Variants in PADI6 observed in about 807,000 individuals in gnomAD.
The protein encoded by PADI6 is peptidyl arginine deiminase 6.
A neutral mutation model predicts 78.2 loss-of-function variants in PADI6; 66 were observed. The ratio of observed to expected loss-of-function variants is 0.84; its 90% CI spans 0.69 to 1.04. The LOEUF is 1.04. PADI6 is among the 50% of genes least tolerant of loss of function. The probability of loss-of-function intolerance (pLI) is 0.00; values close to 1 mark genes in which losing one functional copy is unlikely to be tolerated. For missense variants in PADI6, 854 were observed against 866.1 expected (o/e 0.99, Z 0.18); for synonymous variants, 397 against 346.9 (o/e 1.14, Z -1.60).
rs1010983165 is a variant in PADI6, at chr1:17,401,507, T to C, written c.*69T>C. 5.0e-6 allele frequency: 7 copies of C among 1,390,342 alleles called. No individual in the cohort carries two copies. Among genetic ancestry groups the C allele is most frequent in the Non-Finnish European group, 6.0e-6 (6 of 1,000,154 alleles). The allele number at this position is 1,390,342 out of a possible 1,614,324, so 86.1% of individuals were successfully genotyped here. On this transcript the variant is annotated 3_prime_UTR_variant, in exon 16 of 16. Coordinates refer to ENST00000619609, the MANE Select transcript of PADI6 (RefSeq NM_207421.4). The stretch of plus-strand genomic sequence containing the variant: ...CCACTGTCACCATGCAACAGCATGA[T>C]TCTTTGCCCAGTAGAGGAGGCTGGA...
chr1:17,381,171 C>G lies in PADI6; in HGVS notation c.553+7C>G, dbSNP rs764134342. On this transcript the variant is annotated splice_region_variant and intron_variant, in intron 5 of 15. Coordinates refer to ENST00000619609, the MANE Select transcript of PADI6 (RefSeq NM_207421.4). ...AAAGTGATCTTTTCAGAGGGTAGGA[C>G]CTCAGACTGTCTCTGCCTTTCCTTC... The G allele has an allele frequency of 6.3e-7, 1 of 1,582,006 alleles. No homozygotes were observed. The highest frequency in any genetic ancestry group is 1.2e-5 in the South Asian group (1 of 86,484).
intron 8 of PADI6, among the ~76,000 whole-genome samples, chr1:17,391,181 AC>A (rs2075179386): frequency 6.6e-6 from 1 of 151,560 alleles, no homozygotes; most frequent in Non-Finnish European, 1.5e-5. Flanking sequence ...CTGACCTCCA[AC>A]TTTTGAGGAC....
In PADI6 at chr1:17,394,341, T is replaced by C. The variant is rs745997829; in HGVS notation, c.1224T>C (p.His408=). 6.2e-7 allele frequency: 1 copy of C among 1,613,838 alleles called. No individual in the cohort carries two copies. Among genetic ancestry groups the C allele is most frequent in the East Asian group, 2.2e-5 (1 of 44,886 alleles). ...ACATGATCCAGGACACTGAGGACCATAAAGTGGCCAGCATGGATTCCATTG... is the reference window on the plus strand; with the variant it reads ...ACATGATCCAGGACACTGAGGACCACAAAGTGGCCAGCATGGATTCCATTG... The part of the protein sequence containing the change: ...IGYMIQDTED[H]KVASMDSIGN... Residue 408 remains histidine, a synonymous_variant, in exon 11 of 16, where the codon CAT becomes CAC. Transcript: ENST00000619609.
At chr1:17,396,283 G>A (rs1477806868) in intron 13 of PADI6, among the ~76,000 whole-genome samples, 1 of 152,212 alleles carries the variant, frequency 6.6e-6, no homozygotes, top group Non-Finnish European at 1.5e-5. Flanking sequence ...CTACTCGGGA[G>A]GCTGAGGCAG....
At chr1:17,395,209 TTTTTTG>T in intron 12 of PADI6, 102 bp downstream of exon 12, 14 of 1,394,926 alleles carry the variant, frequency 1.0e-5, no homozygotes, top group South Asian at 2.8e-5. Flanking sequence ...GTTTTTTTTT[TTTTTTG>T]TTTGTTTTTT....
chr1:17,392,938 G>C (rs531978287), intron 9 of PADI6, among the ~76,000 whole-genome samples: 19 of 152,272 alleles, frequency 1.2e-4, no homozygotes, highest in African/African-American at 4.3e-4. Context: ...GAGGTCAGGA[G>C]TTTTAAAACA....
At chr1:17,387,703 A>C (rs190809503) in intron 6 of PADI6, among the ~76,000 whole-genome samples, 13 of 152,336 alleles carry the variant, frequency 8.5e-5, no homozygotes, top group African/African-American at 3.1e-4. Context: ...GTGAGCTGAG[A>C]TCACGCCACT....
At chr1:17,378,450 G>A (rs2075039339) in intron 3 of PADI6, among the ~76,000 whole-genome samples, 1 of 152,142 alleles carries the variant, frequency 6.6e-6, no homozygotes, top group African/African-American at 2.4e-5. Flanking sequence ...TTGGGAATCA[G>A]CATGTCAAAT....
rs1474874541 is a variant in PADI6, at chr1:17,395,526, G to A, written c.1495-14G>A. ...CTGAGAAAGCTGGCTTCTGACCCAA[G>A]TTCTGTTTCCCAGGGCTTCCTGCTG... On this transcript the variant is annotated splice_polypyrimidine_tract_variant and intron_variant, in intron 12 of 15. Coordinates refer to ENST00000619609, the MANE Select transcript of PADI6 (RefSeq NM_207421.4). 6.5e-7 allele frequency: 1 copy of A among 1,549,968 alleles called. No homozygotes were observed.
chr1:17,385,028 T>C (rs1331018694), intron 6 of PADI6, among the ~76,000 whole-genome samples: 2 of 152,078 alleles, frequency 1.3e-5, no homozygotes, highest in Non-Finnish European at 2.9e-5. Context: ...TAGAGGAAGA[T>C]CTGAGAAGTT....
intron 8 of PADI6, among the ~76,000 whole-genome samples, 195 bp from the exon 9 acceptor site, chr1:17,391,919 G>A (rs1384462335): frequency 6.6e-6 from 1 of 152,252 alleles, no homozygotes; most frequent in Admixed American, 6.5e-5. Context: ...GCAAAGCTGA[G>A]TAGTGTCAGA....
chr1:17,392,972 T>C (rs931466898), intron 9 of PADI6, among the ~76,000 whole-genome samples: 9 of 152,108 alleles, frequency 5.9e-5, no homozygotes, highest in Admixed American at 4.6e-4. Flanking sequence ...GGCAAAATAC[T>C]GTCTCTACTA....
intron 15 of PADI6, among the ~76,000 whole-genome samples, chr1:17,400,581 G>A (rs545197948): frequency 6.6e-6 from 1 of 152,320 alleles, no homozygotes; most frequent in African/African-American, 2.4e-5. Context: ...AGTCAAGAGT[G>A]GGGCTGTGAG....
intron 1 of PADI6, among the ~76,000 whole-genome samples, chr1:17,372,612 C>A (rs1202534611): frequency 2.6e-5 from 4 of 152,118 alleles, no homozygotes; most frequent in African/African-American, 7.2e-5. Flanking sequence ...CTCTCTGTTC[C>A]CCTATCTGTG....
intron 8 of PADI6, among the ~76,000 whole-genome samples, chr1:17,390,289 G>T (rs900800733): frequency 1.3e-5 from 2 of 151,550 alleles, no homozygotes; most frequent in Non-Finnish European, 2.9e-5. Flanking sequence ...AAACAAGAGC[G>T]AAACTGTCTC....
intron 15 of PADI6, 135 bp downstream of exon 15, chr1:17,398,982 T>TTCTCCCCCA: frequency 1.0e-6 from 1 of 977,304 alleles, no homozygotes; most frequent in South Asian, 1.7e-5. Context: ...GGGAGACCCC[T>TTCTCCCCCA]TCTCCCCCAT....
chr1:17,372,908 G>A (rs2074976166), intron 1 of PADI6, 148 bp from the exon 2 acceptor site: 1 of 759,458 alleles, frequency 1.3e-6, no homozygotes, highest in Non-Finnish European at 2.1e-6. Context: ...TTGGGAGGGG[G>A]TGGGTAGGAA....
chr1:17,394,483 TGAAAG>T (rs747904006), intron 11 of PADI6, 29 bp downstream of exon 11: 14 of 1,605,778 alleles, frequency 8.7e-6, no homozygotes, highest in Middle Eastern at 1.8e-4. Context: ...CGCCTCCAAA[TGAAAG>T]GAAGGGACCA....
intron 2 of PADI6, among the ~76,000 whole-genome samples, 169 bp from the exon 3 acceptor site, chr1:17,375,258 C>G (rs1021348842): frequency 6.6e-6 from 1 of 152,274 alleles, no homozygotes; most frequent in Middle Eastern, 3.4e-3. Flanking sequence ...AGGGGACTGA[C>G]TCAGCCCTAA....
Sources: allele counts gnomAD v4.1 joint callset (sites outside exome capture counted in the v4.1 genomes callset), GRCh38; gene constraint gnomAD v4.1.1; transcripts MANE v1.5; gene names NCBI Gene and HGNC (gene_info 2026-07-23, HGNC 2026-07-21).